Variants in MPRIP observed in about 807,000 individuals in gnomAD.
MPRIP encodes myosin phosphatase Rho-interacting protein.
MPRIP carries 59 observed loss-of-function variants against 234.9 expected under a neutral mutation model. The observed-to-expected ratio is 0.25, with a 90% CI of 0.20 to 0.31. The LOEUF (loss-of-function observed/expected upper bound fraction) is 0.31. MPRIP is among the 10% of genes least tolerant of loss of function. The pLI is 1.00. For synonymous variants in MPRIP, 1,144 were observed against 1,263.9 expected (o/e 0.91, Z 2.01); for missense variants, 2,436 against 3,071.0 (o/e 0.79, Z 4.89).
At chr17:17,065,182 A>G (rs2088983900) in intron 1 of MPRIP, among the ~76,000 whole-genome samples, 1 of 152,202 alleles carries the variant, frequency 6.6e-6, no homozygotes, top group Non-Finnish European at 1.5e-5. Context: ...ATACTAGTAT[A>G]TAGTCTAGAT....
intron 23 of MPRIP, 90 bp downstream of exon 23, chr17:17,180,178 C>T: frequency 9.2e-7 from 1 of 1,088,628 alleles, no homozygotes; most frequent in East Asian, 2.5e-5. Flanking sequence ...TCCCATGGGC[C>T]ACAGCTGCCA....
chr17:17,105,426 TG>T (rs1159987986), intron 3 of MPRIP, among the ~76,000 whole-genome samples: 3 of 152,178 alleles, frequency 2.0e-5, no homozygotes, highest in Non-Finnish European at 4.4e-5. Context: ...TGAAACTGGG[TG>T]GGGACCCCTC....
At chr17:17,095,692 C>G (rs1441422357) in intron 3 of MPRIP, among the ~76,000 whole-genome samples, 2 of 152,112 alleles carry the variant, frequency 1.3e-5, no homozygotes, top group African/African-American at 4.8e-5. Context: ...CCGTGCTGGT[C>G]AGTATATAGG....
At chr17:17,086,035 T>G (rs745969811) in intron 3 of MPRIP, among the ~76,000 whole-genome samples, 1 of 152,250 alleles carries the variant, frequency 6.6e-6, no homozygotes, top group Non-Finnish European at 1.5e-5. Flanking sequence ...TGTGCAATCA[T>G]TTGATAATTT....
intron 1 of MPRIP, among the ~76,000 whole-genome samples, chr17:17,067,721 T>A (rs1042537864): frequency 3.9e-5 from 6 of 151,992 alleles, no homozygotes; most frequent in African/African-American, 1.2e-4. Context: ...ATTTGTTTGG[T>A]TTTGGTGTCA....
chr17:17,115,067 C>T (rs978793436), intron 3 of MPRIP, among the ~76,000 whole-genome samples: 3 of 152,380 alleles, frequency 2.0e-5, no homozygotes, highest in East Asian at 1.9e-4. Context: ...AAGGCTGGGG[C>T]GAGGCCCACA....
intron 21 of MPRIP, among the ~76,000 whole-genome samples, chr17:17,176,819 G>A (rs2046264797): frequency 6.6e-6 from 1 of 152,238 alleles, no homozygotes; most frequent in Non-Finnish European, 1.5e-5. Flanking sequence ...TTCCATTTGA[G>A]CCGCCCCCTG....
intron 3 of MPRIP, among the ~76,000 whole-genome samples, chr17:17,107,680 T>C (rs1053333810): frequency 1.3e-5 from 2 of 152,236 alleles, no homozygotes; most frequent in African/African-American, 4.8e-5. Flanking sequence ...TACCCTCCTT[T>C]GTCCCCTTCG....
In MPRIP at chr17:17,171,815, G is replaced by A. The variant is rs745332415; in HGVS notation, c.6422G>A (p.Arg2141Gln). The stretch of plus-strand genomic sequence containing the variant: ...CACCAGCGGGAGCTAGAGAAACTTC[G>A]AGAAGAGAAAGACCGCCTCCTAGCC... ...RQHQRELEKL[R>Q]EEKDRLLAEE... The change falls in exon 17 of 24, where the codon CGA (arginine) becomes CAA (glutamine). Residue 2141 changes from arginine (R) to glutamine (Q), a missense_variant. This residue lies in a region of MPRIP where 1,998 missense variants were observed against 2,520.3 expected (regional missense o/e 0.79). Coordinates refer to ENST00000651222, the MANE Select transcript of MPRIP (RefSeq NM_001364716.4). The A allele has an allele frequency of 1.2e-6, 2 of 1,613,642 alleles. No individual in the cohort carries two copies. Among genetic ancestry groups the A allele is most frequent in the Admixed American group, 1.7e-5 (1 of 60,016 alleles).
In MPRIP at chr17:17,057,562, T is replaced by C. The variant is rs548643303; in HGVS notation, c.123+14591T>C. 664 of 716,392 alleles carry C rather than the reference T, an allele frequency of 9.3e-4. 12 individuals are homozygous for C. In the South Asian group the frequency reaches 9.7e-3, roughly 11 times the overall value. The allele number at this position is 716,392 out of a possible 1,614,324, so 44.4% of individuals were successfully genotyped here. ...CAGTGGTCCCCAGAGGACCTTGGGG[T>C]CAGCTAGAGGGAAAAGGCCTTTGCT... On this transcript the variant is annotated intron_variant, in intron 1 of 23. Coordinates refer to ENST00000651222, the MANE Select transcript of MPRIP (RefSeq NM_001364716.4).
intron 2 of MPRIP, chr17:17,077,277 TC>T (rs2089354329): frequency 6.6e-6 from 1 of 152,284 alleles, no homozygotes; most frequent in Admixed American, 6.5e-5. Context: ...AAGTCCCTTC[TC>T]CCCACACAAA....
At position 17,097,755 on chromosome 17, in the gene MPRIP, A is replaced by T. The variant is rs546988311; in HGVS notation, c.267+19679A>T. Among the ~76,000 whole-genome samples, 3 of 152,316 alleles carry T rather than the reference A, an allele frequency of 2.0e-5. No individual in the cohort carries two copies. In the South Asian group the frequency reaches 6.2e-4, roughly 32 times the overall value. On this transcript the variant is annotated intron_variant, in intron 3 of 23. Transcript: ENST00000651222. ...CTCTGTCCAGAACTGGCTCACTCCC[A>T]ACAGCAGCAGGAGGCACCCAGGGTC... is the stretch of plus-strand genomic sequence containing the variant.
Position 17,154,407 on chromosome 17 carries a change from T to G in MPRIP, c.1821T>G (p.Asp607Glu). The change falls in exon 13 of 24, where the codon GAT (aspartate) becomes GAG (glutamate). Residue 607 changes from aspartate (D) to glutamate (E), a missense_variant. By Grantham distance (45) the Asp-to-Glu change is conservative (BLOSUM62 2). This residue lies in a region of MPRIP where 1,998 missense variants were observed against 2,520.3 expected (regional missense o/e 0.79). Coordinates refer to ENST00000651222, the MANE Select transcript of MPRIP (RefSeq NM_001364716.4). ...ACGTGCACCCGACCACTGCCCCGGA[T>G]GTGACCAGGTAGGATGGTGAAGACA... ...MKHVHPTTAP[D>E]VTSSLPEEKN... is the part of the protein sequence containing the mutation. 6.2e-7 allele frequency: 1 copy of G among 1,614,084 alleles called. No homozygotes were observed. Among genetic ancestry groups the G allele is most frequent in the South Asian group, 1.1e-5 (1 of 91,082 alleles).
intron 1 of MPRIP, among the ~76,000 whole-genome samples, chr17:17,058,115 C>T (rs8080972): frequency 0.045 from 6,796 of 152,212 alleles, 470 homozygotes; most frequent in African/African-American, 0.14. Context: ...CAGTGCTGGT[C>T]GAGCTGTTCT....
chr17:17,057,562 T>A (rs548643303), intron 1 of MPRIP: 1 of 716,276 alleles, frequency 1.4e-6, no homozygotes, highest in Non-Finnish European at 2.6e-6. Flanking sequence ...GACCTTGGGG[T>A]CAGCTAGAGG....
intron 17 of MPRIP, 29 bp from the exon 18 acceptor site, chr17:17,172,669 C>CG: frequency 6.3e-7 from 1 of 1,586,606 alleles, no homozygotes; most frequent in Non-Finnish European, 8.6e-7. Flanking sequence ...CGTGGTCCCT[C>CG]GGTGCTGAGG....
intron 3 of MPRIP, among the ~76,000 whole-genome samples, chr17:17,120,609 C>T (rs141403230): frequency 7.2e-4 from 110 of 152,256 alleles, no homozygotes; most frequent in African/African-American, 2.6e-3. Context: ...ACCAGAGGCT[C>T]CAGATAGCTG....
At position 17,142,642 on chromosome 17, in the gene MPRIP, T is replaced by C. The variant is rs768287337; in HGVS notation, c.1266T>C (p.Ile422=). The change falls in exon 8 of 24, where the codon ATT becomes ATC. Residue 422 remains isoleucine (I), a synonymous_variant. Transcript: ENST00000651222. ...FGNERRRSQV[I]EKFEALDIEK... ...TCTCTTGCAGGAGGTCCCAGGTGATTGAAAAGTTTGAGGCCTTGGACATTG... is the reference window on the plus strand; with the variant it reads ...TCTCTTGCAGGAGGTCCCAGGTGATCGAAAAGTTTGAGGCCTTGGACATTG... 6.2e-7 allele frequency: 1 copy of C among 1,611,742 alleles called. No individual in the cohort carries two copies. Among genetic ancestry groups the C allele is most frequent in the East Asian group, 2.2e-5 (1 of 44,886 alleles).
At chr17:17,169,912 GT>G (rs1372388792) in intron 16 of MPRIP, among the ~76,000 whole-genome samples, 7 of 152,066 alleles carry the variant, frequency 4.6e-5, no homozygotes, top group Admixed American at 4.6e-4. Context: ...TTAGCATATA[GT>G]TTCTCTCCAA....
Sources: gnomAD v4.1 joint callset for allele counts (sites outside exome capture counted in the v4.1 genomes callset) on GRCh38, gnomAD v4.1.1 for gene constraint, gnomAD v4.1.1 regional missense constraint, MANE v1.5 for transcripts, NCBI Gene and HGNC (gene_info 2026-07-23, HGNC 2026-07-21) for gene names.